Variants in PCDHGB6 observed in about 807,000 individuals in gnomAD.
The protein encoded by PCDHGB6 is protocadherin gamma subfamily B, 6, also known as protocadherin gamma-B6.
In PCDHGB6, 51 loss-of-function variants were observed where a neutral mutation model predicts 59.1. The observed-to-expected ratio is 0.86, with a 90% confidence interval of 0.69 to 1.09. PCDHGB6 has a LOEUF of 1.09. Ranked by LOEUF, PCDHGB6 falls within the 50% of genes least tolerant of loss-of-function variation. The pLI is 0.00. For synonymous variants in PCDHGB6, 466 were observed against 495.1 expected (o/e 0.94, Z 0.78); for missense variants, 1,148 against 1,205.1 (o/e 0.95, Z 0.70).
At chr5:141,419,152 G>A (rs2096335735) in intron 1 of PCDHGB6, 25 of 1,613,916 alleles carry the variant, frequency 1.5e-5, no homozygotes, top group East Asian at 4.5e-5. Context: ...GCAAGCCTCC[G>A]TTATCCTCCA....
chr5:141,491,253 T>C lies in PCDHGB6; in HGVS notation c.2419-3554T>C, dbSNP rs71583648. The C allele has an allele frequency of 2.3e-3, 3,639 of 1,614,176 alleles. 33 individuals carry two copies. The African/African-American group carries it at 0.026, about 11-fold the overall frequency. Reference sequence around the variant, plus strand: ...TGCTGGTTCTGGAGGATGAGGACCCTGAGGAAATGCCCAAATCCAGTGACT... The same window carrying C: ...TGCTGGTTCTGGAGGATGAGGACCCCGAGGAAATGCCCAAATCCAGTGACT... On this transcript the variant is annotated intron_variant, in intron 1 of 3. Coordinates refer to ENST00000520790, the MANE Select transcript of PCDHGB6 (RefSeq NM_018926.3). This position sits in a 1 kb window ranked among gnomAD's most constrained non-coding sequence, Gnocchi z 6.9.
chr5:141,423,117 G>T, intron 1 of PCDHGB6: 1 of 1,613,816 alleles, frequency 6.2e-7, no homozygotes, highest in Non-Finnish European at 8.5e-7. Flanking sequence ...TGCGTACAGC[G>T]CGGGCACTGC....
intron 1 of PCDHGB6, chr5:141,427,047 C>T (rs1196561600): frequency 1.1e-5 from 5 of 457,294 alleles, no homozygotes; most frequent in Non-Finnish European, 1.8e-5. Flanking sequence ...GAATGTGCCC[C>T]CAGGCACCTC....
rs1192987646 is a variant in PCDHGB6, at chr5:141,423,758, G to A, written c.2418+13138G>A. Reference sequence around the variant, plus strand: ...CTGTTATGAAAACTGTTTGGGGGGGGGGTGGGGCGGCATATATTTAGTTCA... The same window carrying A: ...CTGTTATGAAAACTGTTTGGGGGGGAGGTGGGGCGGCATATATTTAGTTCA... On this transcript the variant is annotated intron_variant, in intron 1 of 3. Coordinates refer to ENST00000520790, the MANE Select transcript of PCDHGB6 (RefSeq NM_018926.3). 8.2e-5 allele frequency: 30 copies of A among 366,770 alleles called. 3 individuals are homozygous for A. Among genetic ancestry groups the A allele is most frequent in the Non-Finnish European group, 1.1e-4 (29 of 259,742 alleles). The allele number at this position is 366,770 out of a possible 1,614,324, so 22.7% of individuals were successfully genotyped here.
Position 141,477,209 on chromosome 5 carries a change from G to A in PCDHGB6, c.2419-17598G>A. ...CGTGTACAGCCCAGTACCCGAGGAT[G>A]CCCCTCTGGGGACTGTCATCGCTTT... is the stretch of plus-strand genomic sequence containing the variant. On this transcript the variant is annotated intron_variant, in intron 1 of 3. Coordinates refer to ENST00000520790, the MANE Select transcript of PCDHGB6 (RefSeq NM_018926.3). This position sits in a 1 kb window ranked among gnomAD's most constrained non-coding sequence, Gnocchi z 4.9. The A allele has an allele frequency of 6.2e-7, 1 of 1,614,194 alleles. No homozygotes were observed.
Position 141,487,562 on chromosome 5 carries a change from G to C in PCDHGB6, c.2419-7245G>C. The stretch of plus-strand genomic sequence containing the variant: ...GAAGTCACCCAGTGCACCTATGGCA[G>C]GGGAGCCTGTTCGCCCAAGCTGCCC... On this transcript the variant is annotated intron_variant, in intron 1 of 3. Coordinates refer to ENST00000520790, the MANE Select transcript of PCDHGB6 (RefSeq NM_018926.3). The surrounding 1 kb of genome is among the most constrained non-coding windows in gnomAD (Gnocchi z 5.0). The C allele has an allele frequency of 6.2e-7, 1 of 1,614,178 alleles. No homozygotes were observed.
At chr5:141,422,576 C>T in intron 1 of PCDHGB6, 1 of 1,614,034 alleles carries the variant, frequency 6.2e-7, no homozygotes, top group South Asian at 1.1e-5. Context: ...AACGATAACC[C>T]TCCCGTTTTT....
At position 141,489,577 on chromosome 5, in the gene PCDHGB6, C is replaced by A. The variant is rs918238376; in HGVS notation, c.2419-5230C>A. The stretch of plus-strand genomic sequence containing the variant: ...GCCAGTGCAGGTGGTGACTGAACAC[C>A]CCCTGGAGCTAATCCGTGTAGAGGT... On this transcript the variant is annotated intron_variant, in intron 1 of 3. Coordinates refer to ENST00000520790, the MANE Select transcript of PCDHGB6 (RefSeq NM_018926.3). This position sits in a 1 kb window ranked among gnomAD's most constrained non-coding sequence, Gnocchi z 4.5. The A allele has an allele frequency of 6.2e-7, 1 of 1,613,894 alleles. No individual in the cohort carries two copies. The highest frequency in any genetic ancestry group is 8.5e-7 in the Non-Finnish European group (1 of 1,180,000).
rs779317191 is a variant in PCDHGB6, at chr5:141,432,553, C to G, written c.2418+21933C>G. The G allele has an allele frequency of 2.6e-5, 42 of 1,613,748 alleles. No individual in the cohort carries two copies. The highest frequency in any genetic ancestry group is 2.0e-4 in the South Asian group (18 of 91,068). The stretch of plus-strand genomic sequence containing the variant: ...AGGTGGTGGCGGTGGACAGAGACTC[C>G]GGCCAGAACGCCTGGCTGTCCTACC... On this transcript the variant is annotated intron_variant, in intron 1 of 3. Coordinates refer to ENST00000520790, the MANE Select transcript of PCDHGB6 (RefSeq NM_018926.3). The surrounding 1 kb of genome is among the most constrained non-coding windows in gnomAD (Gnocchi z 6.0).
chr5:141,444,467 G>C (rs1288596542), intron 1 of PCDHGB6, among the ~76,000 whole-genome samples: 2 of 151,998 alleles, frequency 1.3e-5, no homozygotes, highest in Admixed American at 6.6e-5. Flanking sequence ...CACTGCGCCC[G>C]GTCGCGTACT....
chr5:141,509,081 A>T (rs1279221589), intron 3 of PCDHGB6, among the ~76,000 whole-genome samples: 1 of 152,160 alleles, frequency 6.6e-6, no homozygotes, highest in Non-Finnish European at 1.5e-5. Context: ...GATTTGCGAC[A>T]TGAAATGGGG....
rs2099411033 is a variant in PCDHGB6, at chr5:141,477,423, C to T, written c.2419-17384C>T. ...ACCGCCCGAGACGCCGGAACCCCTT[C>T]CCTCTCAGCCCTTACAATAGTGCGT... On this transcript the variant is annotated intron_variant, in intron 1 of 3. Coordinates refer to ENST00000520790, the MANE Select transcript of PCDHGB6 (RefSeq NM_018926.3). This position sits in a 1 kb window ranked among gnomAD's most constrained non-coding sequence, Gnocchi z 4.9. 1.9e-6 allele frequency: 3 copies of T among 1,614,196 alleles called. No individual in the cohort carries two copies. The highest frequency in any genetic ancestry group is 2.2e-5 in the East Asian group (1 of 44,882).
At chr5:141,500,446 T>C (rs2099800320) in intron 2 of PCDHGB6, among the ~76,000 whole-genome samples, 1 of 152,002 alleles carries the variant, frequency 6.6e-6, no homozygotes, top group South Asian at 2.1e-4. Context: ...CCTGACCTCG[T>C]GATCCGCCCG....
rs562479827 is a variant in PCDHGB6, at chr5:141,430,802, C to A, written c.2418+20182C>A. The A allele has an allele frequency of 1.2e-5, 18 of 1,524,776 alleles. No homozygotes were observed. The East Asian group carries it at 3.9e-4, about 33-fold the overall frequency. The allele number at this position is 1,524,776 out of a possible 1,614,324, so 94.5% of individuals were successfully genotyped here. On this transcript the variant is annotated intron_variant, in intron 1 of 3. Coordinates refer to ENST00000520790, the MANE Select transcript of PCDHGB6 (RefSeq NM_018926.3). ...GCACCGGGACTACAAAGGGCTTGTC[C>A]TGCTGGGAATCCTCCTGGGGACTCT... is the stretch of plus-strand genomic sequence containing the variant.
In PCDHGB6 at chr5:141,511,074, C is replaced by G; in HGVS notation, c.2694C>G (p.Ser898Arg). 1.2e-6 allele frequency: 2 copies of G among 1,614,238 alleles called. No homozygotes were observed. The highest frequency in any genetic ancestry group is 1.7e-6 in the Non-Finnish European group (2 of 1,180,040). ...GCCAGAATGTCTACATCCCAGGCAGCAATGCCACACTGACCAACGCAGCTG... is the reference window on the plus strand; with the variant it reads ...GCCAGAATGTCTACATCCCAGGCAGGAATGCCACACTGACCAACGCAGCTG... The part of the protein sequence containing the change: ...DYRQNVYIPG[S>R]NATLTNAAGK... Residue 898 changes from serine (S) to arginine (R), a missense_variant, in exon 4 of 4, where the codon AGC becomes AGG. Around this residue, in one of 5 missense-constraint regions of PCDHGB6, gnomAD observed 283 missense variants for 318.6 expected, o/e 0.89. Coordinates refer to ENST00000520790, the MANE Select transcript of PCDHGB6 (RefSeq NM_018926.3).
Position 141,476,782 on chromosome 5 carries a change from A to T in PCDHGB6, c.2419-18025A>T. On this transcript the variant is annotated intron_variant, in intron 1 of 3. Coordinates refer to ENST00000520790, the MANE Select transcript of PCDHGB6 (RefSeq NM_018926.3). The surrounding 1 kb of genome is among the most constrained non-coding windows in gnomAD (Gnocchi z 7.6). ...TGACGGCGTTGGACGGAGGGACCCCAGCTCTCTCCGCCAGCCTGCCTATTC... is the reference window on the plus strand; with the variant it reads ...TGACGGCGTTGGACGGAGGGACCCCTGCTCTCTCCGCCAGCCTGCCTATTC... 6.2e-7 allele frequency: 1 copy of T among 1,613,568 alleles called. No individual in the cohort carries two copies. The highest frequency in any genetic ancestry group is 8.5e-7 in the Non-Finnish European group (1 of 1,179,996).
intron 1 of PCDHGB6, among the ~76,000 whole-genome samples, chr5:141,451,630 C>T (rs899343801): frequency 2.0e-5 from 3 of 152,132 alleles, no homozygotes; most frequent in Non-Finnish European, 2.9e-5. Flanking sequence ...ACCTGTAATT[C>T]CAGCACTCTG....
Position 141,486,316 on chromosome 5 carries a change from A to G in PCDHGB6, c.2419-8491A>G, listed in dbSNP as rs1251956899. The G allele has an allele frequency of 6.2e-7, 1 of 1,614,066 alleles. No individual in the cohort carries two copies. On this transcript the variant is annotated intron_variant, in intron 1 of 3. Transcript: ENST00000520790. This position sits in a 1 kb window ranked among gnomAD's most constrained non-coding sequence, Gnocchi z 5.0. ...GTGTGCAGGATCCAGACTCAGGGTC[A>G]AACGGAGATGTGAGCCTCCGCATTC...
chr5:141,480,955 G>A (rs2154578440), intron 1 of PCDHGB6, among the ~76,000 whole-genome samples: 1 of 152,304 alleles, frequency 6.6e-6, no homozygotes, highest in South Asian at 2.1e-4. Context: ...TGAGGCGGAA[G>A]CATCAGTGAG....
Sources: gnomAD v4.1 joint callset for allele counts (sites outside exome capture counted in the v4.1 genomes callset) on GRCh38, gnomAD v4.1.1 for gene constraint, gnomAD v4.1.1 regional missense constraint, Gnocchi (gnomAD v3.1) non-coding constraint, MANE v1.5 for transcripts, NCBI Gene and HGNC (gene_info 2026-07-23, HGNC 2026-07-21) for gene names.